The following ANKS1B variants were observed in gnomAD, a reference collection of about 807,000 sequenced individuals.
ANKS1B encodes the protein ankyrin repeat and sterile alpha motif domain-containing protein 1B.
In ANKS1B, 36 loss-of-function variants were observed where a neutral mutation model predicts 148.3. That is an observed-to-expected ratio of 0.24 (90% CI 0.19 to 0.32). The LOEUF (loss-of-function observed/expected upper bound fraction) is 0.32, where lower values mean the gene tolerates loss of function less well. Ranked by LOEUF, ANKS1B falls within the 10% of genes least tolerant of loss-of-function variation. The pLI is 1.00. For synonymous variants in ANKS1B, 542 were observed against 560.8 expected (o/e 0.97, Z 0.47); for missense variants, 1,157 against 1,542.6 (o/e 0.75, Z 4.19).
intron 8 of ANKS1B, among the ~76,000 whole-genome samples, chr12:99,685,959 A>T (rs919808578): frequency 6.6e-6 from 1 of 152,018 alleles, no homozygotes; most frequent in South Asian, 2.1e-4. Flanking sequence ...GAATGATACA[A>T]TGGACTTTGG....
chr12:99,088,855 T>TTG (rs2052995339), intron 15 of ANKS1B, among the ~76,000 whole-genome samples: 2 of 142,512 alleles, frequency 1.4e-5, no homozygotes, highest in African/African-American at 5.2e-5. Context: ...TTTTTTTTTT[T>TTG]TTTTTTTGAG....
At chr12:98,910,816 T>C (rs2099785741) in intron 17 of ANKS1B, among the ~76,000 whole-genome samples, 1 of 152,198 alleles carries the variant, frequency 6.6e-6, no homozygotes, top group Non-Finnish European at 1.5e-5. Context: ...TTGACTTTAG[T>C]GTGGTTTTGT....
chr12:98,992,406 G>T (rs1384566774), intron 17 of ANKS1B, among the ~76,000 whole-genome samples: 1 of 152,094 alleles, frequency 6.6e-6, no homozygotes, highest in Non-Finnish European at 1.5e-5. Flanking sequence ...CATGTGTCAA[G>T]GGAGGGAGGT....
chr12:99,108,295 A>C (rs2059630151), intron 15 of ANKS1B, among the ~76,000 whole-genome samples: 1 of 152,238 alleles, frequency 6.6e-6, no homozygotes, highest in South Asian at 2.1e-4. Context: ...CCAGTGGTTC[A>C]GTTCTCTCTC....
intron 10 of ANKS1B, among the ~76,000 whole-genome samples, chr12:99,465,884 C>T (rs994230611): frequency 1.3e-5 from 2 of 152,080 alleles, no homozygotes; most frequent in Non-Finnish European, 2.9e-5. Context: ...GACAGATCAA[C>T]GAGACAGAAA....
intron 10 of ANKS1B, among the ~76,000 whole-genome samples, chr12:99,453,690 T>G (rs2095797810): frequency 6.6e-6 from 1 of 152,244 alleles, no homozygotes; most frequent in African/African-American, 2.4e-5. Flanking sequence ...GTTTGTTATT[T>G]TCGGCCACAA....
chr12:99,917,113 G>A (rs1282389255), intron 1 of ANKS1B, among the ~76,000 whole-genome samples: 1 of 152,166 alleles, frequency 6.6e-6, no homozygotes, highest in Admixed American at 6.5e-5. Flanking sequence ...AGTGGTTTGA[G>A]GTGAGAACAA....
chr12:98,752,648 C>T (rs2098124867), intron 25 of ANKS1B, among the ~76,000 whole-genome samples: 1 of 152,164 alleles, frequency 6.6e-6, no homozygotes, highest in African/African-American at 2.4e-5. Flanking sequence ...CTCTTGCTTA[C>T]AGATCCCCAG....
At chr12:99,306,707 A>T (rs550587442) in intron 12 of ANKS1B, among the ~76,000 whole-genome samples, 1 of 152,270 alleles carries the variant, frequency 6.6e-6, no homozygotes, top group Non-Finnish European at 1.5e-5. Context: ...CCAATGCAGT[A>T]TAATTTTATG....
intron 25 of ANKS1B, among the ~76,000 whole-genome samples, chr12:98,758,741 C>G (rs985668469): frequency 1.3e-5 from 2 of 151,558 alleles, no homozygotes; most frequent in Non-Finnish European, 2.9e-5. Flanking sequence ...CTCTTCTTCC[C>G]CAGGGATTTT....
chr12:99,646,026 T>TAG (rs1555526378), intron 9 of ANKS1B, among the ~76,000 whole-genome samples: 1 of 131,866 alleles, frequency 7.6e-6, no homozygotes, highest in Non-Finnish European at 1.6e-5. Context: ...AGAAAATCAG[T>TAG]AAAAAAAAAA....
chr12:99,030,459 C>T (rs557070429), intron 17 of ANKS1B, among the ~76,000 whole-genome samples: 1 of 151,898 alleles, frequency 6.6e-6, no homozygotes, highest in Admixed American at 6.5e-5. Flanking sequence ...CCCCCACCCC[C>T]GTCTAATGAA....
chr12:99,777,640 A>G (rs1361323489), intron 6 of ANKS1B, among the ~76,000 whole-genome samples: 1 of 152,080 alleles, frequency 6.6e-6, no homozygotes, highest in Non-Finnish European at 1.5e-5. Flanking sequence ...GCTGGAGTGC[A>G]GTGGCGCGAT....
intron 17 of ANKS1B, among the ~76,000 whole-genome samples, chr12:99,003,888 A>C (rs1002081676): frequency 6.6e-5 from 10 of 152,270 alleles, no homozygotes; most frequent in South Asian, 6.2e-4. Context: ...AAGAAAAAAA[A>C]CCCTACATTT....
chr12:99,756,444 A>G (rs1177150356), intron 8 of ANKS1B, among the ~76,000 whole-genome samples: 1 of 151,862 alleles, frequency 6.6e-6, no homozygotes, highest in African/African-American at 2.4e-5. Flanking sequence ...GACACAAACA[A>G]AAATAAATTC....
intron 8 of ANKS1B, among the ~76,000 whole-genome samples, chr12:99,769,524 T>G (rs910291554): frequency 9.2e-5 from 14 of 152,316 alleles, no homozygotes; most frequent in African/African-American, 3.1e-4. Context: ...GAATTTATTC[T>G]CAGGATCAAT....
At chr12:99,536,805 T>C (rs1229833480) in intron 9 of ANKS1B, among the ~76,000 whole-genome samples, 1 of 152,130 alleles carries the variant, frequency 6.6e-6, no homozygotes, top group Non-Finnish European at 1.5e-5. Context: ...AGAGTTAAGT[T>C]ATAATTTATT....
At chr12:99,946,705 G>C (rs1210050978) in intron 1 of ANKS1B, among the ~76,000 whole-genome samples, 1 of 152,116 alleles carries the variant, frequency 6.6e-6, no homozygotes, top group African/African-American at 2.4e-5. Flanking sequence ...GAATGAGCTG[G>C]AATTGACAGT....
chr12:98,863,049 G>C (rs141818886), intron 17 of ANKS1B, among the ~76,000 whole-genome samples: 140 of 152,210 alleles, frequency 9.2e-4, no homozygotes, highest in Non-Finnish European at 1.6e-3. Flanking sequence ...CGCATCACTG[G>C]GGGTTCTCAC....
Sources: gnomAD v4.1 joint callset for allele counts (sites outside exome capture counted in the v4.1 genomes callset) on GRCh38, gnomAD v4.1.1 for gene constraint, MANE v1.5 for transcripts, NCBI Gene and HGNC (gene_info 2026-07-23, HGNC 2026-07-21) for gene names.